The following STK33 variants were observed in gnomAD, a reference collection of about 807,000 sequenced individuals.
The protein encoded by STK33 is serine/threonine-protein kinase 33.
Under a neutral mutation model 58.0 loss-of-function variants are expected in STK33, and 52 were observed. The observed-to-expected ratio is 0.90, with a 90% CI of 0.72 to 1.13. The LOEUF is 1.13. STK33 is among the 50% of genes most tolerant of loss of function. STK33 has a pLI of 0.00. For missense variants in STK33, 630 were observed against 604.2 expected (o/e 1.04, Z -0.45); for synonymous variants, 215 against 200.1 (o/e 1.07, Z -0.63).
chr11:8,487,439 A>AG (rs1261029897), intron 1 of STK33, among the ~76,000 whole-genome samples: 254 of 151,148 alleles, frequency 1.7e-3, no homozygotes, highest in African/African-American at 5.9e-3. Context: ...AAAAAAAAAA[A>AG]AAAGAGAGAG....
chr11:8,562,464 GC>G (rs1289795247), intron 1 of STK33, among the ~76,000 whole-genome samples: 2 of 151,960 alleles, frequency 1.3e-5, no homozygotes, highest in Non-Finnish European at 2.9e-5. Flanking sequence ...GATACTCATG[GC>G]CCCCCACTTT....
downstream of STK33, among the ~76,000 whole-genome samples, chr11:8,387,116 A>G (rs1018859415): frequency 7.9e-5 from 12 of 152,246 alleles, no homozygotes; most frequent in African/African-American, 2.4e-4. Context: ...TTTCCCTGAT[A>G]TAGTGCTTGA....
At chr11:8,361,390 C>A in the STK33 span, among the ~76,000 whole-genome samples, 1 of 152,254 alleles carries the variant, frequency 6.6e-6, no homozygotes, top group Admixed American at 6.5e-5. The surrounding 1 kb of genome is among the most constrained non-coding windows in gnomAD (Gnocchi z 4.8). Flanking sequence ...CTTTCCTGGG[C>A]AGCCACCAAC....
intron 14 of STK33, chr11:8,433,987 G>GCCGAGCCGGGCAGATGATGTAATCCCA (rs1943728880): frequency 6.5e-6 from 1 of 152,928 alleles, no homozygotes; most frequent in Admixed American, 6.5e-5. Context: ...CACTTTGGGA[G>GCCGAGCCGGGCAGATGATGTAATCCCA]GCCGAGCCGG....
At chr11:8,357,531 G>A in the STK33 span, among the ~76,000 whole-genome samples, 14 of 152,184 alleles carry the variant, frequency 9.2e-5, no homozygotes, top group Non-Finnish European at 2.1e-4. Flanking sequence ...CAGTTGTGCC[G>A]GGCATAATTG....
At chr11:8,376,273 G>A in the STK33 span, among the ~76,000 whole-genome samples, 1 of 152,198 alleles carries the variant, frequency 6.6e-6, no homozygotes, top group African/African-American at 2.4e-5. Flanking sequence ...GTCTAAGCAT[G>A]TCACGGGGGC....
At chr11:8,478,589 T>G (rs1203952057) in intron 2 of STK33, among the ~76,000 whole-genome samples, 1 of 152,160 alleles carries the variant, frequency 6.6e-6, no homozygotes, top group East Asian at 1.9e-4. Context: ...TTACAGCAAT[T>G]TCCTCAAGAA....
At chr11:8,439,869 T>TATATATATATATATATATA (rs1554930119) in intron 12 of STK33, among the ~76,000 whole-genome samples, 1 of 107,254 alleles carries the variant, frequency 9.3e-6, no homozygotes, top group Non-Finnish European at 1.9e-5. Context: ...TATATTATAA[T>TATATATATATATATATATA]TATATATATA....
the STK33 span, among the ~76,000 whole-genome samples, chr11:8,363,761 G>A: frequency 0.1 from 15,434 of 152,264 alleles, 983 homozygotes; most frequent in Middle Eastern, 0.15. Flanking sequence ...TTGTCAAAAC[G>A]TTAAAAACGG....
At chr11:8,344,229 A>ACACACACACC in the STK33 span, among the ~76,000 whole-genome samples, 25 of 150,488 alleles carry the variant, frequency 1.7e-4, no homozygotes, top group East Asian at 9.9e-4. Context: ...ACACACACAC[A>ACACACACACC]CCCCAGTTAG....
the STK33 span, among the ~76,000 whole-genome samples, chr11:8,351,256 A>G: frequency 2.0e-5 from 3 of 152,124 alleles, no homozygotes; most frequent in African/African-American, 4.8e-5. Flanking sequence ...GCCTTACCCA[A>G]AAACCCACTC....
At chr11:8,408,696 G>C (rs951983114) in intron 15 of STK33, among the ~76,000 whole-genome samples, 1 of 152,200 alleles carries the variant, frequency 6.6e-6, no homozygotes, top group Non-Finnish European at 1.5e-5. Flanking sequence ...TCACTGGGAG[G>C]ACTCACAGGA....
chr11:8,553,827 A>G (rs749489769), intron 1 of STK33, among the ~76,000 whole-genome samples: 5 of 152,164 alleles, frequency 3.3e-5, no homozygotes, highest in Non-Finnish European at 7.4e-5. Flanking sequence ...AGACTTAAAT[A>G]TAAGACCCGA....
At chr11:8,486,342 C>T (rs1007437706) in intron 1 of STK33, among the ~76,000 whole-genome samples, 4 of 152,168 alleles carry the variant, frequency 2.6e-5, no homozygotes, top group African/African-American at 9.7e-5. Context: ...TGCCAACATA[C>T]AGAACTTCTT....
chr11:8,498,138 C>A (rs1951204465), intron 1 of STK33, among the ~76,000 whole-genome samples: 2 of 152,018 alleles, frequency 1.3e-5, no homozygotes, highest in African/African-American at 4.8e-5. Flanking sequence ...ATAAACATAT[C>A]ATTTTGATAT....
intron 1 of STK33, among the ~76,000 whole-genome samples, chr11:8,589,898 G>A (rs1029302015): frequency 2.0e-5 from 3 of 152,160 alleles, no homozygotes; most frequent in Non-Finnish European, 4.4e-5. Flanking sequence ...AAATATCCAA[G>A]GATAAATATT....
chr11:8,337,108 G>A, the STK33 span, among the ~76,000 whole-genome samples: 7 of 152,198 alleles, frequency 4.6e-5, no homozygotes, highest in Admixed American at 6.5e-5. Flanking sequence ...CTTCCCAAAC[G>A]GGCTTGTCTT....
intron 1 of STK33, among the ~76,000 whole-genome samples, chr11:8,518,788 C>G (rs187118157): frequency 2.3e-3 from 352 of 152,294 alleles, no homozygotes; most frequent in African/African-American, 8.1e-3. Context: ...AAAAGAAGAG[C>G]TAACTTCCTA....
At chr11:8,571,520 C>T (rs1668444935) in intron 1 of STK33, among the ~76,000 whole-genome samples, 1 of 152,060 alleles carries the variant, frequency 6.6e-6, no homozygotes, top group Non-Finnish European at 1.5e-5. Flanking sequence ...ATTACTGTCA[C>T]TTAATTATAC....
Sources: gnomAD v4.1 joint callset for allele counts (sites outside exome capture counted in the v4.1 genomes callset) on GRCh38, gnomAD v4.1.1 for gene constraint, Gnocchi (gnomAD v3.1) non-coding constraint, MANE v1.5 for transcripts, NCBI Gene and HGNC (gene_info 2026-07-23, HGNC 2026-07-21) for gene names.